Variants in SLC35B3 observed in about 807,000 individuals in gnomAD.
The protein encoded by SLC35B3 is solute carrier family 35 member B3.
SLC35B3 carries 35 observed loss-of-function variants against 44.1 expected under a neutral mutation model. That is an observed-to-expected ratio of 0.79 (90% CI 0.61 to 1.05). The LOEUF (loss-of-function observed/expected upper bound fraction) is 1.05. SLC35B3 is among the 50% of genes least tolerant of loss of function. The pLI, the probability that SLC35B3 is intolerant of heterozygous loss-of-function variation, is 0.00. For synonymous variants in SLC35B3, 146 were observed against 167.3 expected (o/e 0.87, Z 0.98); for missense variants, 414 against 476.4 (o/e 0.87, Z 1.22).
At chr6:8,427,269 T>C (rs189409974) in intron 4 of SLC35B3, among the ~76,000 whole-genome samples, 2 of 152,270 alleles carry the variant, frequency 1.3e-5, no homozygotes, top group East Asian at 1.9e-4. Flanking sequence ...AAAATGTCTC[T>C]AGAGCATGTC....
rs1190530132 is a variant in SLC35B3 at position 8,434,408 on chromosome 6, T to G, written c.-21A>C. ...ACCATGCCATTATGCCTTGATTAAC[T>G]GCGCTCCGGAATCAATCATGGCCTA... On this transcript the variant is annotated 5_prime_UTR_variant, in exon 2 of 11. Coordinates refer to ENST00000644923, the MANE Select transcript of SLC35B3 (RefSeq NM_001370476.2). The surrounding 1 kb of genome is among the most constrained non-coding windows in gnomAD (Gnocchi z 6.3). The G allele has an allele frequency of 1.2e-6, 2 of 1,612,648 alleles. No individual in the cohort carries two copies.
At position 8,434,613 on chromosome 6, in the gene SLC35B3, C is replaced by CTA. The variant is rs1764310453; in HGVS notation, c.-43-185_-43-184dup. On this transcript the variant is annotated intron_variant, in intron 1 of 10. Coordinates refer to ENST00000644923, the MANE Select transcript of SLC35B3 (RefSeq NM_001370476.2). This position sits in a 1 kb window ranked among gnomAD's most constrained non-coding sequence, Gnocchi z 6.3. ...AGTAATTAAGTAAAAATAACGCTGT[C>CTA]TAAATTATTTTGAAATGCTGCCTCT... Among the ~76,000 whole-genome samples the CTA allele has an allele frequency of 1.3e-5, 2 of 152,024 alleles. No homozygotes were observed. Among genetic ancestry groups the CTA allele is most frequent in the African/African-American group, 2.4e-5 (1 of 41,410 alleles).
rs1215150405 is a variant in SLC35B3 at position 8,419,544 on chromosome 6, C to T, written c.780+36G>A. 1.9e-6 allele frequency: 2 copies of T among 1,074,868 alleles called. No individual in the cohort carries two copies. Among genetic ancestry groups the T allele is most frequent in the Non-Finnish European group, 2.7e-6 (2 of 744,806 alleles). 66.6% of individuals were successfully genotyped at this position (1,074,868 alleles called of 1,614,324 possible). A position where few individuals can be genotyped will look rare whatever the true frequency, so the allele number is the denominator to read the frequency against. Reference sequence around the variant, plus strand: ...TTACGTGTATCACCATTTTTTAAATCTGTCTAATTTGAAGAAAAAACACTA... The same window carrying T: ...TTACGTGTATCACCATTTTTTAAATTTGTCTAATTTGAAGAAAAAACACTA... On this transcript the variant is annotated intron_variant, in intron 7 of 10. Coordinates refer to ENST00000644923, the MANE Select transcript of SLC35B3 (RefSeq NM_001370476.2). This position sits in a 1 kb window ranked among gnomAD's most constrained non-coding sequence, Gnocchi z 4.3.
intron 10 of SLC35B3, among the ~76,000 whole-genome samples, chr6:8,414,409 A>G (rs1762229238): frequency 6.6e-6 from 1 of 152,202 alleles, no homozygotes; most frequent in South Asian, 2.1e-4. Flanking sequence ...ACAAAAAATA[A>G]AAGCTTAGTT....
At position 8,434,407 on chromosome 6, in the gene SLC35B3, C is replaced by G. The variant is rs1581285406; in HGVS notation, c.-20G>C. ...TACCATGCCATTATGCCTTGATTAA[C>G]TGCGCTCCGGAATCAATCATGGCCT... On this transcript the variant is annotated 5_prime_UTR_variant, in exon 2 of 11. Coordinates refer to ENST00000644923, the MANE Select transcript of SLC35B3 (RefSeq NM_001370476.2). This position sits in a 1 kb window ranked among gnomAD's most constrained non-coding sequence, Gnocchi z 6.3. The G allele has an allele frequency of 6.2e-7, 1 of 1,612,698 alleles. No homozygotes were observed. The highest frequency in any genetic ancestry group is 1.3e-5 in the African/African-American group (1 of 74,950).
intron 5 of SLC35B3, 56 bp downstream of exon 4, chr6:8,422,414 A>T: frequency 7.8e-7 from 1 of 1,280,342 alleles, no homozygotes; most frequent in Non-Finnish European, 1.1e-6. Flanking sequence ...CTAATGCTAG[A>T]TGCCATAACA....
rs977460833 is a variant in SLC35B3 at position 8,419,900 on chromosome 6, C to G, written c.683-223G>C. ...ACTAATAAACTGAGTTAGTTCTGTA[C>G]ATATCACATTTCACATTTCAATAGC... On this transcript the variant is annotated intron_variant, in intron 6 of 10. Transcript: ENST00000644923. The surrounding 1 kb of genome is among the most constrained non-coding windows in gnomAD (Gnocchi z 4.3). Among the ~76,000 whole-genome samples the G allele has an allele frequency of 6.6e-6, 1 of 152,060 alleles. No homozygotes were observed. The highest frequency in any genetic ancestry group is 2.4e-5 in the African/African-American group (1 of 41,440).
rs746404249 is a variant in SLC35B3, at chr6:8,420,843, CG to C, written c.575-16del. On this transcript the variant is annotated splice_polypyrimidine_tract_variant and intron_variant, in intron 5 of 10. Transcript: ENST00000644923. The surrounding 1 kb of genome is among the most constrained non-coding windows in gnomAD (Gnocchi z 4.4). ...ATAACGCTTTCCTGTATAAAACAAA[CG>C]TAAGTCCACTTCATTATGCAAATAC... 6 of 1,577,852 alleles carry C rather than the reference CG, an allele frequency of 3.8e-6. No individual in the cohort carries two copies. In the East Asian group the frequency reaches 6.7e-5, roughly 18 times the overall value.
intron 9 of SLC35B3, among the ~76,000 whole-genome samples, chr6:8,415,397 A>T (rs111646049): frequency 2.6e-5 from 4 of 152,286 alleles, no homozygotes; most frequent in Non-Finnish European, 5.9e-5. Flanking sequence ...ATAAGACTAT[A>T]AGTAACCATT....
intron 4 of SLC35B3, among the ~76,000 whole-genome samples, chr6:8,426,276 GATTT>G (rs1763402249): frequency 6.6e-6 from 1 of 152,104 alleles, no homozygotes; most frequent in Non-Finnish European, 1.5e-5. Context: ...CTTAATATGA[GATTT>G]ATTTATGTTT....
In SLC35B3 at chr6:8,433,495, A is replaced by G. The variant is rs1764186059; in HGVS notation, c.3+890T>C. On this transcript the variant is annotated intron_variant, in intron 2 of 10. Coordinates refer to ENST00000644923, the MANE Select transcript of SLC35B3 (RefSeq NM_001370476.2). The surrounding 1 kb of genome is among the most constrained non-coding windows in gnomAD (Gnocchi z 4.1). Reference sequence around the variant, plus strand: ...ACTCTACCACAGTTTAGCAAGCACCATTTATTTAATCAACGTTATTCAGCT... The same window carrying G: ...ACTCTACCACAGTTTAGCAAGCACCGTTTATTTAATCAACGTTATTCAGCT... 6.6e-6 allele frequency among the ~76,000 whole-genome samples: 1 copy of G among 152,178 alleles called. No individual in the cohort carries two copies. Among genetic ancestry groups the G allele is most frequent in the African/African-American group, 2.4e-5 (1 of 41,446 alleles).
rs1230345402 is a variant in SLC35B3 at position 8,429,923 on chromosome 6, G to GA, written c.237dup (p.Gln80SerfsTer30). 1 of 1,610,394 alleles carries GA rather than the reference G, an allele frequency of 6.2e-7. No homozygotes were observed. Among genetic ancestry groups the GA allele is most frequent in the Non-Finnish European group, 8.5e-7 (1 of 1,178,244 alleles). ...ACTCCAGCAACACATATGAAAAACT[G>GA]AGTAAGTTTGTTAAACTTGCTGAGA... On this transcript the variant is annotated frameshift_variant, in exon 3 of 11. Coordinates refer to ENST00000644923, the MANE Select transcript of SLC35B3 (RefSeq NM_001370476.2). LOFTEE classifies it high-confidence loss of function.
rs565188611 is a variant in SLC35B3, at chr6:8,433,668, A to C, written c.3+717T>G. On this transcript the variant is annotated intron_variant, in intron 2 of 10. Coordinates refer to ENST00000644923, the MANE Select transcript of SLC35B3 (RefSeq NM_001370476.2). The surrounding 1 kb of genome is among the most constrained non-coding windows in gnomAD (Gnocchi z 4.1). ...CGACATTGCTACTGAAACTCCCCACAAAACATTTGAAATGAACATGAAAAT... is the reference window on the plus strand; with the variant it reads ...CGACATTGCTACTGAAACTCCCCACCAAACATTTGAAATGAACATGAAAAT... Among the ~76,000 whole-genome samples the C allele has an allele frequency of 6.6e-6, 1 of 152,280 alleles. No individual in the cohort carries two copies. The highest frequency in any genetic ancestry group is 2.1e-4 in the South Asian group (1 of 4,834).
chr6:8,413,027 C>G lies in SLC35B3; in HGVS notation c.*522G>C, dbSNP rs538644245. On this transcript the variant is annotated 3_prime_UTR_variant, in exon 11 of 11. Transcript: ENST00000644923. ...AAGTTCATGTTAAGCCTTACTCCAA[C>G]TTCCATTTCTCTCTTTATAACAAAA... The G allele has an allele frequency of 6.6e-6, 1 of 152,360 alleles. No individual in the cohort carries two copies. The highest frequency in any genetic ancestry group is 1.9e-4 in the East Asian group (1 of 5,182). The allele number at this position is 152,360 out of a possible 1,614,324, so 9.4% of individuals were successfully genotyped here.
rs150978821 is a variant in SLC35B3 at position 8,427,027 on chromosome 6, A to T, written c.419+910T>A. On this transcript the variant is annotated intron_variant, in intron 4 of 10. Coordinates refer to ENST00000644923, the MANE Select transcript of SLC35B3 (RefSeq NM_001370476.2). The stretch of plus-strand genomic sequence containing the variant: ...CCCTAGAGATCTATGGAACTTTGAG[A>T]TGATTTAGTGTATCTGGTGGAAGAA... Among the ~76,000 whole-genome samples the T allele has an allele frequency of 2.8e-4, 43 of 152,288 alleles. 1 individual carries two copies. In the East Asian group the frequency reaches 7.9e-3, roughly 28 times the overall value.
chr6:8,434,995 T>C lies in SLC35B3; in HGVS notation c.-44+348A>G, dbSNP rs1764347722. ...GAACGAGGAAACAGTTAACTGTAAA[T>C]ACAGTCTAGAGGTATCCAGGTGACT... is the stretch of plus-strand genomic sequence containing the variant. On this transcript the variant is annotated intron_variant, in intron 1 of 10. Coordinates refer to ENST00000644923, the MANE Select transcript of SLC35B3 (RefSeq NM_001370476.2). The surrounding 1 kb of genome is among the most constrained non-coding windows in gnomAD (Gnocchi z 6.3). The C allele has an allele frequency of 1.2e-6, 1 of 837,808 alleles. No homozygotes were observed. The highest frequency in any genetic ancestry group is 1.6e-6 in the Non-Finnish European group (1 of 627,630). 51.9% of individuals were successfully genotyped at this position (837,808 alleles called of 1,614,324 possible).
chr6:8,417,868 C>T (rs1471729635), intron 7 of SLC35B3, among the ~76,000 whole-genome samples: 1 of 152,060 alleles, frequency 6.6e-6, no homozygotes, highest in Non-Finnish European at 1.5e-5. Flanking sequence ...TTCTAAAATA[C>T]ATTAAAATAT....
rs3032674 is a variant in SLC35B3 at position 8,433,901 on chromosome 6, TAAA to T, written c.3+481_3+483del. Among the ~76,000 whole-genome samples the T allele has an allele frequency of 6.8e-6, 1 of 147,454 alleles. No homozygotes were observed. Among genetic ancestry groups the T allele is most frequent in the Non-Finnish European group, 1.5e-5 (1 of 66,752 alleles). ...TTAATGACTGATACTAACCATCATC[TAAA>T]AAAAAAAATGGGCCAAACTCCTTGT... On this transcript the variant is annotated intron_variant, in intron 2 of 10. Transcript: ENST00000644923. The surrounding 1 kb of genome is among the most constrained non-coding windows in gnomAD (Gnocchi z 4.1).
At position 8,420,611 on chromosome 6, in the gene SLC35B3, A is replaced by AT; in HGVS notation, c.682+109dup. On this transcript the variant is annotated intron_variant, in intron 6 of 10. Coordinates refer to ENST00000644923, the MANE Select transcript of SLC35B3 (RefSeq NM_001370476.2). The surrounding 1 kb of genome is among the most constrained non-coding windows in gnomAD (Gnocchi z 4.4). ...AAAGTCCAAAAGCTTTATGTTAGAT[A>AT]TGAAAATTGCAGCTGTCACACTATC... The AT allele has an allele frequency of 1.4e-6, 1 of 703,890 alleles. No individual in the cohort carries two copies. Among genetic ancestry groups the AT allele is most frequent in the Non-Finnish European group, 2.4e-6 (1 of 413,104 alleles). 43.6% of individuals were successfully genotyped at this position (703,890 alleles called of 1,614,324 possible). A position where few individuals can be genotyped will look rare whatever the true frequency, so the allele number is the denominator to read the frequency against.
Sources: gnomAD v4.1 joint callset for allele counts (sites outside exome capture counted in the v4.1 genomes callset) on GRCh38, gnomAD v4.1.1 for gene constraint, Gnocchi (gnomAD v3.1) non-coding constraint, MANE v1.5 for transcripts, NCBI Gene and HGNC (gene_info 2026-07-23, HGNC 2026-07-21) for gene names.